Variants in RBM34 observed in about 807,000 individuals in gnomAD.
RBM34 encodes RNA-binding protein 34.
A neutral mutation model predicts 44.6 loss-of-function variants in RBM34; 39 were observed. The ratio of observed to expected loss-of-function variants is 0.87; its 90% CI spans 0.68 to 1.14. The LOEUF is 1.14. RBM34 is among the 50% of genes most tolerant of loss of function. The pLI, the probability that RBM34 is intolerant of heterozygous loss-of-function variation, is 0.00. For missense variants in RBM34, 572 were observed against 517.9 expected (o/e 1.10, Z -1.01); for synonymous variants, 194 against 184.0 (o/e 1.05, Z -0.44).
chr1:235,158,617 A>G (rs1463734112), intron 3 of RBM34, among the ~76,000 whole-genome samples: 1 of 152,138 alleles, frequency 6.6e-6, no homozygotes, highest in Non-Finnish European at 1.5e-5. Flanking sequence ...AGATGCATTA[A>G]GTTTAAATAG....
chr1:235,146,985 C>T (rs1661933124), intron 6 of RBM34, among the ~76,000 whole-genome samples: 1 of 152,174 alleles, frequency 6.6e-6, no homozygotes, highest in African/African-American at 2.4e-5. Context: ...AATCCCACTG[C>T]TTTAGAAGGC....
At chr1:235,135,525 A>G in intron 10 of RBM34, 127 bp downstream of exon 10, 4 of 839,938 alleles carry the variant, frequency 4.8e-6, no homozygotes. Flanking sequence ...CACTGCACCT[A>G]GCCCAGTTTT....
At chr1:235,155,310 A>T (rs1302678501) in intron 3 of RBM34, among the ~76,000 whole-genome samples, 198 bp from the exon 4 acceptor site, 1 of 152,042 alleles carries the variant, frequency 6.6e-6, no homozygotes, top group Non-Finnish European at 1.5e-5. Context: ...TAGAAAAAAA[A>T]TGATTTAACT....
intron 3 of RBM34, 197 bp downstream of exon 3, chr1:235,160,314 C>T (rs1662647679): frequency 1.3e-6 from 1 of 749,846 alleles, no homozygotes. Context: ...AAAAGGTTAG[C>T]CAAATATTAG....
chr1:235,135,475 C>T (rs1461306992), intron 10 of RBM34, among the ~76,000 whole-genome samples, 177 bp downstream of exon 10: 5 of 151,860 alleles, frequency 3.3e-5, no homozygotes, highest in African/African-American at 4.8e-5. Context: ...GAGATTCACC[C>T]GTCTCGGCCT....
Position 235,131,508 on chromosome 1 carries a change from C to CA in RBM34, c.*204dup, listed in dbSNP as rs796595198. The CA allele has an allele frequency of 3.6e-4, 205 of 571,338 alleles. No homozygotes were observed. Among genetic ancestry groups the CA allele is most frequent in the African/African-American group, 3.6e-3 (188 of 52,800 alleles). 35.4% of individuals were successfully genotyped at this position (571,338 alleles called of 1,614,324 possible). A position where few individuals can be genotyped will look rare whatever the true frequency, so the allele number is the denominator to read the frequency against. On this transcript the variant is annotated 3_prime_UTR_variant, in exon 11 of 11. Coordinates refer to ENST00000408888, the MANE Select transcript of RBM34 (RefSeq NM_015014.4). Reference sequence around the variant, plus strand: ...GGGAGACAACAGCCAAACTCCATCTCAAAAAACAAAACAAAAACAAAAAAA... The same window carrying CA: ...GGGAGACAACAGCCAAACTCCATCTCAAAAAAACAAAACAAAAACAAAAAAA...
intron 2 of RBM34, 82 bp from the exon 3 acceptor site, chr1:235,160,729 G>A: frequency 1.3e-6 from 2 of 1,536,062 alleles, no homozygotes; most frequent in African/African-American, 2.8e-5. Context: ...CTTTCTAAAT[G>A]AGAATCTCTT....
intron 4 of RBM34, 31 bp downstream of exon 4, chr1:235,154,850 T>G (rs1256077469): frequency 1.9e-6 from 3 of 1,543,146 alleles, no homozygotes; most frequent in Admixed American, 3.4e-5. Flanking sequence ...AGTTATTAAC[T>G]TCTCTGAACT....
chr1:235,157,192 A>G (rs558069913), intron 3 of RBM34, among the ~76,000 whole-genome samples: 351 of 152,342 alleles, frequency 2.3e-3, no homozygotes, highest in African/African-American at 8.3e-3. Flanking sequence ...AGAGTGGAAG[A>G]TAATTAGAAA....
rs190569404 is a variant in RBM34 at position 235,131,422 on chromosome 1, C to T, written c.*291G>A. 32 of 225,318 alleles carry T rather than the reference C, an allele frequency of 1.4e-4. No individual in the cohort carries two copies. In the East Asian group the frequency reaches 2.5e-3, roughly 17 times the overall value. The allele number at this position is 225,318 out of a possible 1,614,324, so 14.0% of individuals were successfully genotyped here. A position where few individuals can be genotyped will look rare whatever the true frequency, so the allele number is the denominator to read the frequency against. On this transcript the variant is annotated 3_prime_UTR_variant, in exon 11 of 11. Coordinates refer to ENST00000408888, the MANE Select transcript of RBM34 (RefSeq NM_015014.4). ...ACTTGGGAGGCTGAGGCAGGAGAAG[C>T]GCTTGAACCCAGAAGGCAGAGGTTG...
rs756931559 is a variant in RBM34, at chr1:235,131,810, T to C, written c.1196A>G (p.Lys399Arg). 4 of 1,614,158 alleles carry C rather than the reference T, an allele frequency of 2.5e-6. No homozygotes were observed. The highest frequency in any genetic ancestry group is 2.2e-5 in the South Asian group (2 of 91,084). Residue 399 changes from lysine to arginine, a missense_variant, in exon 11 of 11, where the codon AAA (lysine) becomes AGA (arginine). By Grantham distance (26) the Lys-to-Arg change is conservative (BLOSUM62 2). Transcript: ENST00000408888. ...AGCTTTTTCTCCAATAAATAAGCTTTTAGGATGTCCTTCTGCAGTTTTGGA... is the reference window on the plus strand; with the variant it reads ...AGCTTTTTCTCCAATAAATAAGCTTCTAGGATGTCCTTCTGCAGTTTTGGA... ...FTSKTAEGHP[K>R]SLFIGEKAVL...
At chr1:235,152,012 G>A (rs768646001) in intron 5 of RBM34, among the ~76,000 whole-genome samples, 12 of 146,614 alleles carry the variant, frequency 8.2e-5, no homozygotes, top group Non-Finnish European at 1.8e-4. Flanking sequence ...CAGCCTGGGT[G>A]AGACACAGCG....
intron 6 of RBM34, among the ~76,000 whole-genome samples, chr1:235,145,966 G>GTTTTT (rs34111332): frequency 7.8e-5 from 6 of 77,196 alleles, no homozygotes; most frequent in Admixed American, 1.7e-4. Flanking sequence ...ATTACAGCAG[G>GTTTTT]TTTTTTTTTT....
Position 235,160,898 on chromosome 1 carries a change from G to A in RBM34, c.223C>T (p.Pro75Ser), listed in dbSNP as rs772707307. 24 of 1,613,768 alleles carry A rather than the reference G, an allele frequency of 1.5e-5. No homozygotes were observed. The highest frequency in any genetic ancestry group is 2.7e-5 in the African/African-American group (2 of 74,908). Residue 75 changes from proline to serine, a missense_variant, in exon 2 of 11, where the codon CCT becomes TCT. Pro to Ser is a moderately conservative substitution (Grantham distance 74). Transcript: ENST00000408888. ...AAGAAAGCCCAGTGACTTACTTTAG[G>A]CACAGGCACGTACACGGGTTGAATC... The part of the protein sequence containing the change: ...PQIQPVYVPV[P>S]KQTIKKTKRN...
intron 3 of RBM34, chr1:235,160,146 C>T (rs1662634245): frequency 5.1e-6 from 2 of 391,672 alleles, no homozygotes; most frequent in South Asian, 3.8e-5. Flanking sequence ...CCCACCTACT[C>T]AGGGCCGAGG....
At chr1:235,160,455 G>C (rs1662657741) in intron 3 of RBM34, 56 bp downstream of exon 3, 1 of 1,535,970 alleles carries the variant, frequency 6.5e-7, no homozygotes, top group African/African-American at 1.4e-5. Flanking sequence ...TCCAAGTATA[G>C]GAATGTTAAT....
In RBM34 at chr1:235,150,706, C is replaced by CAT. The variant is rs528979644; in HGVS notation, c.657+1999_657+2000insAT. ...GAATAATTAACACAATGTACAGGTG[C>CAT]TGGTAACCCAAGAAGAAGTAAGACA... On this transcript the variant is annotated intron_variant, in intron 5 of 10. Coordinates refer to ENST00000408888, the MANE Select transcript of RBM34 (RefSeq NM_015014.4). Among the ~76,000 whole-genome samples, 87 of 147,680 alleles carry CAT rather than the reference C, an allele frequency of 5.9e-4. 2 individuals are homozygous for CAT. Among genetic ancestry groups the CAT allele is most frequent in the African/African-American group, 1.9e-3 (76 of 39,482 alleles).
rs1470490540 is a variant in RBM34 at position 235,160,980 on chromosome 1, G to A, written c.141C>T (p.His47=). The change falls in exon 2 of 11, where the codon CAC becomes CAT. Residue 47 remains histidine, a synonymous_variant. Transcript: ENST00000408888. ...QVASSLFRGE[H]HSRGGTGRLA... ...GCCGACCGGTGCCACCTCTGGAATGGTGTTCGCCGCGAAATAAGCTACTGG... is the reference window on the plus strand; with the variant it reads ...GCCGACCGGTGCCACCTCTGGAATGATGTTCGCCGCGAAATAAGCTACTGG... The A allele has an allele frequency of 1.2e-6, 2 of 1,614,166 alleles. No homozygotes were observed. The highest frequency in any genetic ancestry group is 1.3e-5 in the African/African-American group (1 of 75,038).
At chr1:235,148,383 T>C in intron 6 of RBM34, 21 bp downstream of exon 6, 1 of 1,567,950 alleles carries the variant, frequency 6.4e-7, no homozygotes, top group Non-Finnish European at 8.7e-7. Context: ...GGTGACTCCC[T>C]TTCTCTAATT....
Sources: allele counts gnomAD v4.1 joint callset (sites outside exome capture counted in the v4.1 genomes callset), GRCh38; gene constraint gnomAD v4.1.1; transcripts MANE v1.5; gene names NCBI Gene and HGNC (gene_info 2026-07-23, HGNC 2026-07-21).